Variants in MEF2A observed in about 807,000 individuals in gnomAD.
MEF2A encodes myocyte-specific enhancer factor 2A.
In MEF2A, 28 loss-of-function variants were observed where a neutral mutation model predicts 55.8. That is an observed-to-expected ratio of 0.50 (90% confidence interval 0.37 to 0.69). MEF2A has a LOEUF of 0.69. Ranked by LOEUF, MEF2A falls within the 30% of genes least tolerant of loss-of-function variation. The pLI is 0.00. For synonymous variants in MEF2A, 239 were observed against 227.1 expected (o/e 1.05, Z -0.47); for missense variants, 528 against 626.2 (o/e 0.84, Z 1.67).
intron 9 of MEF2A, among the ~76,000 whole-genome samples, 160 bp downstream of exon 9, chr15:99,703,545 A>T (rs559270170): frequency 1.3e-5 from 2 of 152,152 alleles, no homozygotes; most frequent in South Asian, 4.1e-4. Flanking sequence ...TACAGACTCT[A>T]GTTTTTCTAT....
rs145815628 is a variant in MEF2A, at chr15:99,654,028, C to T, written c.258+8264C>T. 4.1e-3 allele frequency among the ~76,000 whole-genome samples: 616 copies of T among 152,070 alleles called. 5 individuals are homozygous for T. The highest frequency in any genetic ancestry group is 0.013 in the African/African-American group (546 of 41,498). ...TAGCTTGCTTTTTTTGCGCCACCCA[C>T]GTTCATATAGGATTATCCCATAATA... On this transcript the variant is annotated intron_variant, in intron 4 of 11. Transcript: ENST00000557942.
At chr15:99,691,058 A>G (rs1201054582) in intron 8 of MEF2A, among the ~76,000 whole-genome samples, 1 of 150,530 alleles carries the variant, frequency 6.6e-6, no homozygotes, top group Non-Finnish European at 1.5e-5. Flanking sequence ...TGTAACAAAT[A>G]TTCACATGTA....
rs1177372159 is a variant in MEF2A at position 99,706,823 on chromosome 15, T to G, written c.977T>G (p.Val326Gly). Residue 326 changes from valine (V) to glycine (G), a missense_variant, in exon 10 of 12, where the codon GTG (valine) becomes GGG (glycine). Around this residue, in one of 2 missense-constraint regions of MEF2A, gnomAD observed 450 missense variants for 475.3 expected, o/e 0.95. Coordinates refer to ENST00000557942, the MANE Select transcript of MEF2A (RefSeq NM_001319206.4). ...CCAAGCTTGCCTCCGCAAGGACTTG[T>G]GTACTCAGCAATGCCGACTGCCTAC... The part of the protein sequence containing the change: ...TTPSLPPQGL[V>G]YSAMPTAYNT... 1 of 1,614,050 alleles carries G rather than the reference T, an allele frequency of 6.2e-7. No homozygotes were observed. Among genetic ancestry groups the G allele is most frequent in the Non-Finnish European group, 8.5e-7 (1 of 1,179,900 alleles).
intron 5 of MEF2A, among the ~76,000 whole-genome samples, chr15:99,673,044 A>C (rs2051185101): frequency 6.6e-6 from 1 of 152,134 alleles, no homozygotes; most frequent in African/African-American, 2.4e-5. Flanking sequence ...AGATATATTG[A>C]AGCTGATGGC....
chr15:99,566,527 C>G (rs932578251), intron 1 of MEF2A: 1 of 149,760 alleles, frequency 6.7e-6, no homozygotes, highest in African/African-American at 2.5e-5. Context: ...GCGCGCACCC[C>G]TTGGGGCCGG....
At chr15:99,618,227 G>A (rs1219449177) in intron 2 of MEF2A, among the ~76,000 whole-genome samples, 1 of 152,138 alleles carries the variant, frequency 6.6e-6, no homozygotes, top group Non-Finnish European at 1.5e-5. Context: ...AAGAAGGATC[G>A]AGAATCACTT....
rs71149484 is a variant in MEF2A, at chr15:99,687,084, C to CTTTTTTTTTTTTT, written c.671-3144_671-3132dup. On this transcript the variant is annotated intron_variant, in intron 7 of 11. Transcript: ENST00000557942. Reference sequence around the variant, plus strand: ...ACACCACCATGTCCTATTAATTTTTCTTTTTTTTTTTTTTTTTTTTTTTTT... The same window carrying CTTTTTTTTTTTTT: ...ACACCACCATGTCCTATTAATTTTTCTTTTTTTTTTTTTTTTTTTTTTTTTTTTTTTTTTTTTT... Among the ~76,000 whole-genome samples the CTTTTTTTTTTTTT allele has an allele frequency of 4.1e-3, 280 of 67,752 alleles. 5 individuals carry two copies. Among genetic ancestry groups the CTTTTTTTTTTTTT allele is most frequent in the Non-Finnish European group, 4.9e-3 (188 of 38,652 alleles). 44.4% of individuals were successfully genotyped at this position (67,752 alleles called of 152,430 possible). A position where few individuals can be genotyped will look rare whatever the true frequency, so the allele number is the denominator to read the frequency against.
At chr15:99,605,632 G>T (rs927255449) in intron 2 of MEF2A, among the ~76,000 whole-genome samples, 1 of 151,722 alleles carries the variant, frequency 6.6e-6, no homozygotes, top group Non-Finnish European at 1.5e-5. Context: ...TTGGCTCAGG[G>T]CCCAAGGAGC....
chr15:99,604,395 TG>T (rs1974339321), intron 2 of MEF2A, among the ~76,000 whole-genome samples: 1 of 152,198 alleles, frequency 6.6e-6, no homozygotes, highest in South Asian at 2.1e-4. Flanking sequence ...TCAAGTTCAC[TG>T]ATCTTTTCTT....
chr15:99,699,624 A>G (rs1170981920), intron 8 of MEF2A, among the ~76,000 whole-genome samples: 1 of 152,244 alleles, frequency 6.6e-6, no homozygotes, highest in Non-Finnish European at 1.5e-5. Flanking sequence ...CAGATAAGTA[A>G]CATGATATTG....
At position 99,686,945 on chromosome 15, in the gene MEF2A, C is replaced by T. The variant is rs186207353; in HGVS notation, c.671-3296C>T. On this transcript the variant is annotated intron_variant, in intron 7 of 11. Coordinates refer to ENST00000557942, the MANE Select transcript of MEF2A (RefSeq NM_001319206.4). ...ATTTTTTTTTTAATTTGTCTTTGTT[C>T]GATTGGATTAATTCTGTCACCTAGG... Among the ~76,000 whole-genome samples, 158 of 150,388 alleles carry T rather than the reference C, an allele frequency of 1.1e-3. 1 individual carries two copies. Among genetic ancestry groups the T allele is most frequent in the Non-Finnish European group, 1.4e-3 (92 of 67,604 alleles).
chr15:99,712,410 A>T lies in MEF2A; in HGVS notation c.1157A>T (p.Gln386Leu). 6.5e-7 allele frequency: 1 copy of T among 1,539,272 alleles called. No homozygotes were observed. Among genetic ancestry groups the T allele is most frequent in the Non-Finnish European group, 8.8e-7 (1 of 1,137,386 alleles). ...TTCAGTGCTGGAGGGCAGTTATCTC[A>T]GGGTTCCAATTTATCCATTAATACC... is the stretch of plus-strand genomic sequence containing the variant. Reference protein sequence around the residue: ...SSLVAGGQLSQGSNLSINTNQ... With the variant: ...SSLVAGGQLSLGSNLSINTNQ... The change falls in exon 12 of 12, where the codon CAG becomes CTG. Residue 386 changes from glutamine (Q) to leucine (L), a missense_variant. Gln to Leu is a moderately radical substitution (Grantham distance 113). This residue lies in a region of MEF2A where 450 missense variants were observed against 475.3 expected (regional missense o/e 0.95). Coordinates refer to ENST00000557942, the MANE Select transcript of MEF2A (RefSeq NM_001319206.4). This position sits in a 1 kb window ranked among gnomAD's most constrained non-coding sequence, Gnocchi z 4.1.
chr15:99,702,989 CAG>C (rs2057593593), intron 8 of MEF2A, among the ~76,000 whole-genome samples: 1 of 152,236 alleles, frequency 6.6e-6, no homozygotes, highest in East Asian at 1.9e-4. Flanking sequence ...GATTAAGATA[CAG>C]AGTTACAAGT....
At chr15:99,622,531 A>G (rs1026338618) in intron 2 of MEF2A, among the ~76,000 whole-genome samples, 1 of 152,106 alleles carries the variant, frequency 6.6e-6, no homozygotes, top group Non-Finnish European at 1.5e-5. Context: ...GTATTTGAAT[A>G]TTTTGAAATT....
chr15:99,691,469 G>A lies in MEF2A; in HGVS notation c.858+1041G>A, dbSNP rs539754821. On this transcript the variant is annotated intron_variant, in intron 8 of 11. Transcript: ENST00000557942. ...TCCCAGCACTTTGGGATGCCAGGGC[G>A]GGCGGATCACCTGAGGTCAGGAGTT... Among the ~76,000 whole-genome samples, 121 of 152,182 alleles carry A rather than the reference G, an allele frequency of 8.0e-4. No homozygotes were observed. The South Asian group carries it at 0.02, about 25-fold the overall frequency.
intron 2 of MEF2A, 134 bp from the exon 3 acceptor site, chr15:99,632,844 A>G: frequency 3.5e-6 from 1 of 285,528 alleles, no homozygotes; most frequent in Non-Finnish European, 6.6e-6. Context: ...CAACTTATTT[A>G]CTAATTTTGT....
intron 7 of MEF2A, among the ~76,000 whole-genome samples, chr15:99,685,505 G>C (rs2153695323): frequency 6.6e-6 from 1 of 151,642 alleles, no homozygotes; most frequent in East Asian, 1.9e-4. Context: ...GGTCATTGTT[G>C]GTGTATAGCA....
At chr15:99,645,898 T>C in intron 4 of MEF2A, 134 bp downstream of exon 4, 2 of 624,000 alleles carry the variant, frequency 3.2e-6, no homozygotes. Context: ...AAATCATTTC[T>C]TAGAAGAGTG....
chr15:99,710,754 C>G lies in MEF2A; in HGVS notation c.1130C>G (p.Ser377Cys). 1 of 1,600,332 alleles carries G rather than the reference C, an allele frequency of 6.2e-7. No homozygotes were observed. The highest frequency in any genetic ancestry group is 8.6e-7 in the Non-Finnish European group (1 of 1,168,434). The change falls in exon 11 of 12, where the codon TCT becomes TGT. Residue 377 changes from serine to cysteine, a missense_variant. Physicochemically the swap from Ser to Cys is moderately radical, Grantham distance 112. This residue lies in a region of MEF2A where 450 missense variants were observed against 475.3 expected (regional missense o/e 0.95). Coordinates refer to ENST00000557942, the MANE Select transcript of MEF2A (RefSeq NM_001319206.4). ...CACCTAGGACAAGCAGCCCTCAGCT[C>G]TCTTGTGTGAGTAACTAGAAGTTTT... ...QHHLGQAALS[S>C]LVAGGQLSQG...
Sources: allele counts gnomAD v4.1 joint callset (sites outside exome capture counted in the v4.1 genomes callset), GRCh38; gene constraint gnomAD v4.1.1; regional missense constraint gnomAD v4.1.1; non-coding constraint Gnocchi (gnomAD v3.1); transcripts MANE v1.5; gene names NCBI Gene and HGNC (gene_info 2026-07-23, HGNC 2026-07-21).